GPHN: variants seen among roughly 807,000 people sequenced by gnomAD.
The protein encoded by GPHN is gephyrin.
A neutral mutation model predicts 95.5 loss-of-function variants in GPHN; 17 were observed. That is an observed-to-expected ratio of 0.18 (90% CI 0.12 to 0.27). GPHN has a LOEUF of 0.27. Ranked by LOEUF, GPHN falls within the 10% of genes least tolerant of loss-of-function variation. The probability of loss-of-function intolerance (pLI) is 1.00; values close to 1 mark genes in which losing one functional copy is unlikely to be tolerated. For missense variants in GPHN, 660 were observed against 978.1 expected, an observed-to-expected ratio of 0.67 and a Z score of 4.34; for synonymous variants, 320 against 322.5, an observed-to-expected ratio of 0.99 and a Z score of 0.08.
intron 1 of GPHN, among the ~76,000 whole-genome samples, chr14:66,526,336 C>T (rs555661045): frequency 6.6e-5 from 10 of 152,198 alleles, no homozygotes; most frequent in Middle Eastern, 3.4e-3. Flanking sequence ...GATTTTGTAT[C>T]CTGAGAGTTT....
the GPHN span, chr14:67,693,114 T>A: frequency 9.3e-7 from 1 of 1,076,480 alleles, no homozygotes; most frequent in East Asian, 2.6e-5. Flanking sequence ...AGTAGGTTCC[T>A]GCAACTCCCT....
chr14:67,579,496 A>G, the GPHN span: 2 of 661,308 alleles, frequency 3.0e-6, no homozygotes, highest in Admixed American at 3.2e-5. Context: ...CCTCCAAAAG[A>G]TTGTTGGTAA....
chr14:67,154,273 A>G (rs1477839742), intron 18 of GPHN, among the ~76,000 whole-genome samples: 1 of 152,154 alleles, frequency 6.6e-6, no homozygotes, highest in East Asian at 1.9e-4. Flanking sequence ...CTTATCCTTC[A>G]AGGCTTAGCT....
chr14:66,873,603 C>A (rs2063532634), intron 4 of GPHN, among the ~76,000 whole-genome samples: 1 of 152,160 alleles, frequency 6.6e-6, no homozygotes, highest in African/African-American at 2.4e-5. Flanking sequence ...ATTACTGACG[C>A]TTGAGTGGGC....
chr14:66,855,254 ACT>A (rs776789233), intron 4 of GPHN, among the ~76,000 whole-genome samples: 5 of 151,826 alleles, frequency 3.3e-5, no homozygotes, highest in Non-Finnish European at 5.9e-5. Context: ...CACCCCAGAA[ACT>A]CTGTAACCTT....
chr14:66,985,630 A>C, intron 9 of GPHN: 2 of 1,202,974 alleles, frequency 1.7e-6, no homozygotes, highest in African/African-American at 1.5e-5. Context: ...AAAAATTTTT[A>C]AGTTCACTTT....
chr14:67,490,865 C>T, the GPHN span, among the ~76,000 whole-genome samples: 2 of 152,150 alleles, frequency 1.3e-5, no homozygotes, highest in African/African-American at 4.8e-5. Context: ...CAAAGCAGAA[C>T]ACTTCTGTGA....
chr14:67,123,866 A>G (rs902126844), intron 17 of GPHN, among the ~76,000 whole-genome samples: 9 of 152,008 alleles, frequency 5.9e-5, no homozygotes, highest in African/African-American at 1.7e-4. Flanking sequence ...GCCCAAGACA[A>G]TTCTTCTTCT....
At chr14:66,515,593 A>G (rs1447842067) in intron 1 of GPHN, among the ~76,000 whole-genome samples, 1 of 152,244 alleles carries the variant, frequency 6.6e-6, no homozygotes, top group Non-Finnish European at 1.5e-5. Flanking sequence ...AATGCTGTTA[A>G]TGTTGATTCT....
chr14:67,629,678 C>T, the GPHN span, among the ~76,000 whole-genome samples: 12 of 152,074 alleles, frequency 7.9e-5, no homozygotes, highest in African/African-American at 2.9e-4. Context: ...ACTGTACTAC[C>T]CAGATTTCTT....
chr14:66,714,774 A>G (rs2070007666), intron 2 of GPHN, among the ~76,000 whole-genome samples: 1 of 152,148 alleles, frequency 6.6e-6, no homozygotes, highest in Non-Finnish European at 1.5e-5. Flanking sequence ...GTGAGGTATC[A>G]CATTTATTGA....
At chr14:67,592,889 G>A in the GPHN span, 184 of 481,776 alleles carry the variant, frequency 3.8e-4, no homozygotes, top group Middle Eastern at 1.2e-3. Flanking sequence ...AGGTTCAAGC[G>A]ATTCTCCTGC....
chr14:67,583,384 G>A, the GPHN span, among the ~76,000 whole-genome samples: 3 of 152,168 alleles, frequency 2.0e-5, no homozygotes, highest in Admixed American at 2.0e-4. Context: ...ACACTCTGCT[G>A]TACTCTAGGA....
intron 3 of GPHN, among the ~76,000 whole-genome samples, chr14:66,783,317 T>G (rs2059669277): frequency 6.6e-6 from 1 of 152,110 alleles, no homozygotes. Flanking sequence ...TTCTTCCATC[T>G]TTCACCTGGC....
At chr14:67,287,938 G>A in the GPHN span, among the ~76,000 whole-genome samples, 1 of 152,168 alleles carries the variant, frequency 6.6e-6, no homozygotes, top group Non-Finnish European at 1.5e-5. Context: ...GCCTTAAAAA[G>A]TTTAAATTCC....
At chr14:66,755,453 T>G (rs2058523399) in intron 2 of GPHN, among the ~76,000 whole-genome samples, 1 of 152,098 alleles carries the variant, frequency 6.6e-6, no homozygotes. Flanking sequence ...AGACAGTTCC[T>G]CAGAAGTCAT....
chr14:67,603,348 G>A, the GPHN span, among the ~76,000 whole-genome samples: 1 of 152,184 alleles, frequency 6.6e-6, no homozygotes, highest in Non-Finnish European at 1.5e-5. Context: ...GGGATTACAG[G>A]CATGAGTCAC....
At chr14:67,528,145 C>G in the GPHN span, among the ~76,000 whole-genome samples, 1 of 152,190 alleles carries the variant, frequency 6.6e-6, no homozygotes, top group Non-Finnish European at 1.5e-5. Context: ...ACTTTCCTTT[C>G]TCTTGGCTTG....
At chr14:66,663,185 A>C (rs2065757738) in intron 1 of GPHN, among the ~76,000 whole-genome samples, 1 of 152,198 alleles carries the variant, frequency 6.6e-6, no homozygotes, top group Non-Finnish European at 1.5e-5. Context: ...CAGATTCTCC[A>C]AGGTCAAAAT....
Sources: gnomAD v4.1 joint callset for allele counts (sites outside exome capture counted in the v4.1 genomes callset) on GRCh38, gnomAD v4.1.1 for gene constraint, MANE v1.5 for transcripts, NCBI Gene and HGNC (gene_info 2026-07-23, HGNC 2026-07-21) for gene names.